TRIM66: variants seen among roughly 807,000 people sequenced by gnomAD.
TRIM66 encodes tripartite motif-containing protein 66.
TRIM66 carries 99 observed loss-of-function variants against 148.2 expected under a neutral mutation model. The ratio of observed to expected loss-of-function variants is 0.67; its 90% CI spans 0.57 to 0.79. The LOEUF is 0.79. Ranked by LOEUF, TRIM66 falls within the 30% of genes least tolerant of loss-of-function variation. The probability of loss-of-function intolerance (pLI) is 0.00; values close to 1 mark genes in which losing one functional copy is unlikely to be tolerated. For missense variants in TRIM66, 1,666 were observed against 1,697.9 expected, an observed-to-expected ratio of 0.98 and a Z score of 0.33; for synonymous variants, 616 against 635.9, an observed-to-expected ratio of 0.97 and a Z score of 0.47.
At chr11:8,625,942 C>A (rs531988109) in intron 15 of TRIM66, among the ~76,000 whole-genome samples, 34 of 152,270 alleles carry the variant, frequency 2.2e-4, no homozygotes, top group South Asian at 1.7e-3. Flanking sequence ...AGTATACCTG[C>A]CAAAGATATT....
intron 15 of TRIM66, among the ~76,000 whole-genome samples, chr11:8,627,166 T>C (rs915436226): frequency 1.3e-5 from 2 of 152,182 alleles, no homozygotes; most frequent in African/African-American, 4.8e-5. Context: ...TCCATTAGGG[T>C]ACGGATTTTT....
At chr11:8,646,934 T>C (rs1285049827) in intron 10 of TRIM66, among the ~76,000 whole-genome samples, 2 of 34,540 alleles carry the variant, frequency 5.8e-5, no homozygotes, top group African/African-American at 1.6e-4. Flanking sequence ...AGAGGCAGAA[T>C]GCATACTGCC....
upstream of TRIM66, chr11:8,683,049 C>T (rs368350670): frequency 2.1e-4 from 188 of 886,652 alleles, 4 homozygotes; most frequent in South Asian, 2.9e-3. Flanking sequence ...GTGGTGAGAC[C>T]TCACGGCCCT....
upstream of TRIM66, chr11:8,682,846 C>T (rs375898901): frequency 5.0e-6 from 8 of 1,607,326 alleles, no homozygotes; most frequent in Non-Finnish European, 6.8e-6. Flanking sequence ...CCTCCTCTTC[C>T]TTGCCGGCGG....
intron 23 of TRIM66, 41 bp downstream of exon 23, chr11:8,619,342 A>G: frequency 3.0e-4 from 228 of 756,136 alleles, no homozygotes; most frequent in Non-Finnish European, 3.9e-4. Flanking sequence ...AGTCCTGGGG[A>G]TGCAGGGAAA....
intron 10 of TRIM66, 47 bp downstream of exon 10, chr11:8,647,923 C>A: frequency 6.9e-7 from 1 of 1,444,646 alleles, no homozygotes; most frequent in Non-Finnish European, 9.5e-7. Context: ...CCTGGGTGTG[C>A]GGGAACAGAG....
In TRIM66 at chr11:8,621,300, C is replaced by CA. The variant is rs778475673; in HGVS notation, c.3276dup (p.Glu1093Ter). 6.4e-7 allele frequency: 1 copy of CA among 1,551,504 alleles called. No individual in the cohort carries two copies. The highest frequency in any genetic ancestry group is 1.2e-5 in the South Asian group (1 of 83,996). ...TCCAGACCTGGGGCCTGGGTGGCCT[C>CA]AGACAGTCTGTCCTGGCTGACCTTG... On this transcript the variant is annotated frameshift_variant, in exon 20 of 25. Transcript: ENST00000646038. LOFTEE classifies it high-confidence loss of function.
chr11:8,655,407 C>T (rs925711157), intron 6 of TRIM66, among the ~76,000 whole-genome samples: 4 of 152,190 alleles, frequency 2.6e-5, no homozygotes, highest in South Asian at 2.1e-4. Context: ...TTACTTTCTA[C>T]ACCATTAAAA....
intron 15 of TRIM66, among the ~76,000 whole-genome samples, chr11:8,629,826 G>A (rs2035223768): frequency 6.6e-6 from 1 of 152,186 alleles, no homozygotes; most frequent in African/African-American, 2.4e-5. Context: ...AATGCTATCA[G>A]GAGAGGGGGT....
Position 8,621,296 on chromosome 11 carries a change from G to A in TRIM66, c.3281C>T (p.Ala1094Val), listed in dbSNP as rs1174346913. 5.8e-6 allele frequency: 9 copies of A among 1,551,442 alleles called. No homozygotes were observed. The East Asian group carries it at 7.3e-5, about 13-fold the overall frequency. Residue 1094 changes from alanine (A) to valine (V), a missense_variant, in exon 20 of 25, where the codon GCC (alanine) becomes GTC (valine). Around this residue, in one of 3 missense-constraint regions of TRIM66, gnomAD observed 1,431 missense variants for 1,412.4 expected, o/e 1.01. Transcript: ENST00000646038. ...TCCCTCCAGACCTGGGGCCTGGGTG[G>A]CCTCAGACAGTCTGTCCTGGCTGAC... ...IKVSQDRLSE[A>V]TQAPGLEGRK...
chr11:8,639,339 G>A (rs756987028), intron 14 of TRIM66, among the ~76,000 whole-genome samples: 57 of 152,214 alleles, frequency 3.7e-4, no homozygotes, highest in Non-Finnish European at 7.2e-4. Context: ...TGAGAGAAGG[G>A]TAGAGAAAAG....
chr11:8,629,684 T>C (rs561060157), intron 15 of TRIM66, among the ~76,000 whole-genome samples: 2 of 152,298 alleles, frequency 1.3e-5, no homozygotes, highest in African/African-American at 4.8e-5. Context: ...GGCAGTTTAT[T>C]TTGAGGTGAA....
At chr11:8,666,937 G>A (rs2038639047) in intron 6 of TRIM66, among the ~76,000 whole-genome samples, 1 of 152,096 alleles carries the variant, frequency 6.6e-6, no homozygotes, top group Admixed American at 6.5e-5. Flanking sequence ...AGCCTCCCGA[G>A]TAGCTGGTGT....
Position 8,617,092 on chromosome 11 carries a change from C to T in TRIM66, c.*852G>A, listed in dbSNP as rs758101614. On this transcript the variant is annotated 3_prime_UTR_variant, in exon 25 of 25. Transcript: ENST00000646038. ...ATGAGGATGATGAAGGGTATGGCCA[C>T]TGACAAGCACCAACAGTCACTTCTA... 2 of 152,272 alleles carry T rather than the reference C, an allele frequency of 1.3e-5. No individual in the cohort carries two copies. The highest frequency in any genetic ancestry group is 2.4e-5 in the African/African-American group (1 of 41,450). 9.4% of individuals were successfully genotyped at this position (152,272 alleles called of 1,614,324 possible). A position where few individuals can be genotyped will look rare whatever the true frequency, so the allele number is the denominator to read the frequency against.
At position 8,622,828 on chromosome 11, in the gene TRIM66, T is replaced by C; in HGVS notation, c.3068A>G (p.Asn1023Ser). Reference protein sequence around the residue: ...QGALELDAKENQSIRAFNSEH... With the variant: ...QGALELDAKESQSIRAFNSEH... ...AGAAGGCTGTTACCTGATGCTCTGG[T>C]TCTCTTTTGCATCCAGCTCTAGGGC... Residue 1023 changes from asparagine (N) to serine (S), a missense_variant, in exon 18 of 25, where the codon AAC becomes AGC. Transcript: ENST00000646038. The C allele has an allele frequency of 6.4e-7, 1 of 1,551,994 alleles. No individual in the cohort carries two copies. The highest frequency in any genetic ancestry group is 2.4e-5 in the East Asian group (1 of 40,926).
chr11:8,617,745 T>C lies in TRIM66; in HGVS notation c.*199A>G. ...TAAATACCTTCCTCTTTCCTGTTTA[T>C]TACTGAAATCTTCTCTGTAGTGGAT... On this transcript the variant is annotated 3_prime_UTR_variant, in exon 25 of 25. Coordinates refer to ENST00000646038, the MANE Select transcript of TRIM66 (RefSeq NM_001388022.1). 1.8e-6 allele frequency: 1 copy of C among 565,228 alleles called. No individual in the cohort carries two copies. Among genetic ancestry groups the C allele is most frequent in the African/African-American group, 1.9e-5 (1 of 53,726 alleles). 35.0% of individuals were successfully genotyped at this position (565,228 alleles called of 1,614,324 possible).
rs1035543121 is a variant in TRIM66 at position 8,672,336 on chromosome 11, T to C, written c.-62A>G. 123 of 1,535,646 alleles carry C rather than the reference T, an allele frequency of 8.0e-5. No homozygotes were observed. The highest frequency in any genetic ancestry group is 1.0e-4 in the Non-Finnish European group (118 of 1,146,750). ...GTTTGTCTGAAGGCGAACAAACCCT[T>C]CAAAAGTGTCCCGTACCTGTGCCTC... is the stretch of plus-strand genomic sequence containing the variant. On this transcript the variant is annotated 5_prime_UTR_variant, in exon 5 of 25. Transcript: ENST00000646038.
intron 6 of TRIM66, among the ~76,000 whole-genome samples, chr11:8,653,028 A>G (rs1302809883): frequency 6.6e-6 from 1 of 152,232 alleles, no homozygotes; most frequent in Non-Finnish European, 1.5e-5. Context: ...AGACTTCAGA[A>G]ATCACATGGT....
intron 6 of TRIM66, among the ~76,000 whole-genome samples, chr11:8,668,390 G>A (rs900336062): frequency 6.6e-6 from 1 of 151,722 alleles, no homozygotes; most frequent in Admixed American, 6.6e-5. Flanking sequence ...GATTCCATGG[G>A]TTGACTGAGT....
Sources: gnomAD v4.1 joint callset for allele counts (sites outside exome capture counted in the v4.1 genomes callset) on GRCh38, gnomAD v4.1.1 for gene constraint, gnomAD v4.1.1 regional missense constraint, MANE v1.5 for transcripts, NCBI Gene and HGNC (gene_info 2026-07-23, HGNC 2026-07-21) for gene names.